Variants in EHBP1 observed in about 807,000 individuals in gnomAD.
EHBP1 encodes the protein EH domain-binding protein 1.
EHBP1 carries 55 observed loss-of-function variants against 144.0 expected under a neutral mutation model. The observed-to-expected ratio is 0.38, with a 90% CI of 0.31 to 0.48. The LOEUF is 0.48. EHBP1 is among the 20% of genes least tolerant of loss of function. EHBP1 has a pLI of 0.98. For missense variants in EHBP1, 1,200 were observed against 1,364.2 expected, an observed-to-expected ratio of 0.88 and a Z score of 1.90; for synonymous variants, 469 against 472.7, an observed-to-expected ratio of 0.99 and a Z score of 0.10.
At chr2:62,816,626 G>T (rs1388029755) in intron 5 of EHBP1, among the ~76,000 whole-genome samples, 2 of 152,204 alleles carry the variant, frequency 1.3e-5, no homozygotes, top group African/African-American at 4.8e-5. Flanking sequence ...GAAAGAGGAA[G>T]AGGAGCCTGT....
chr2:63,004,140 C>CT, intron 19 of EHBP1, among the ~76,000 whole-genome samples: 1 of 152,052 alleles, frequency 6.6e-6, no homozygotes, highest in Admixed American at 6.6e-5. Context: ...TACATAACTT[C>CT]TTTTTTTCCT....
At chr2:62,789,828 T>G (rs1392746611) in intron 5 of EHBP1, among the ~76,000 whole-genome samples, 1 of 152,214 alleles carries the variant, frequency 6.6e-6, no homozygotes, top group East Asian at 1.9e-4. Context: ...CACAGATGCC[T>G]GCAGGGTAGC....
At chr2:62,757,158 T>C (rs1310851061) in intron 3 of EHBP1, among the ~76,000 whole-genome samples, 2 of 152,056 alleles carry the variant, frequency 1.3e-5, no homozygotes, top group African/African-American at 4.8e-5. Context: ...TAAGACAGGA[T>C]CTTACTTGTT....
chr2:62,960,366 G>A lies in EHBP1; in HGVS notation c.2460+4706G>A, dbSNP rs2057940295. ...ATTCTTGTGTCAAGCATTTGCTGTT[G>A]TTGCCTTGAAATACCCATCTTCCCT... On this transcript the variant is annotated intron_variant, in intron 14 of 22. Transcript: ENST00000431489. 2.0e-5 allele frequency among the ~76,000 whole-genome samples: 3 copies of A among 151,962 alleles called. No individual in the cohort carries two copies. The South Asian group carries it at 6.2e-4, about 32-fold the overall frequency.
chr2:62,716,290 A>T (rs553685933), intron 2 of EHBP1, among the ~76,000 whole-genome samples: 1 of 152,170 alleles, frequency 6.6e-6, no homozygotes, highest in East Asian at 1.9e-4. Flanking sequence ...CCCTTTTCCT[A>T]TGCAACTCCC....
intron 1 of EHBP1, among the ~76,000 whole-genome samples, chr2:62,676,714 T>C (rs2151720215): frequency 6.6e-6 from 1 of 152,362 alleles, no homozygotes; most frequent in South Asian, 2.1e-4. Flanking sequence ...TATTCCTTTT[T>C]TTTTTTAAAG....
intron 5 of EHBP1, among the ~76,000 whole-genome samples, chr2:62,809,468 C>G (rs974114405): frequency 6.6e-6 from 1 of 152,024 alleles, no homozygotes; most frequent in African/African-American, 2.4e-5. Context: ...TGCCGTGTGA[C>G]CTTATCCCCC....
chr2:62,753,717 A>G (rs985627602), intron 3 of EHBP1, among the ~76,000 whole-genome samples: 1 of 151,778 alleles, frequency 6.6e-6, no homozygotes, highest in Non-Finnish European at 1.5e-5. Context: ...TTTTTTCTCT[A>G]AACTTCTCAC....
chr2:62,841,008 A>G (rs1277281965), intron 7 of EHBP1, among the ~76,000 whole-genome samples: 3 of 152,192 alleles, frequency 2.0e-5, no homozygotes, highest in Admixed American at 6.5e-5. Context: ...CCAAAGGACT[A>G]TAAATCATGC....
At chr2:62,709,489 C>T (rs1362991868) in intron 2 of EHBP1, among the ~76,000 whole-genome samples, 2 of 152,120 alleles carry the variant, frequency 1.3e-5, no homozygotes, top group Non-Finnish European at 2.9e-5. Flanking sequence ...TCAGTTTCTT[C>T]CTCACAGTTT....
intron 1 of EHBP1, among the ~76,000 whole-genome samples, chr2:62,677,637 A>T (rs2033350880): frequency 6.6e-6 from 1 of 151,718 alleles, no homozygotes; most frequent in Admixed American, 6.6e-5. Context: ...CCCCCCACCT[A>T]CCCCACTACC....
At chr2:62,911,011 G>A (rs1344673820) in intron 10 of EHBP1, among the ~76,000 whole-genome samples, 2 of 152,268 alleles carry the variant, frequency 1.3e-5, no homozygotes, top group Admixed American at 6.5e-5. Flanking sequence ...TCAGGTCCCG[G>A]CTTTCATACG....
rs776335560 is a variant in EHBP1 at position 62,990,697 on chromosome 2, G to T, written c.2609-19G>T. On this transcript the variant is annotated intron_variant, in intron 15 of 22. Coordinates refer to ENST00000431489, the MANE Select transcript of EHBP1 (RefSeq NM_001142616.3). Reference sequence around the variant, plus strand: ...AATGCATCTCACTCAGTTATTCATGGTATTTGCATATTTAACAGAACAAAA... The same window carrying T: ...AATGCATCTCACTCAGTTATTCATGTTATTTGCATATTTAACAGAACAAAA... 2 of 1,612,348 alleles carry T rather than the reference G, an allele frequency of 1.2e-6. No individual in the cohort carries two copies. Among genetic ancestry groups the T allele is most frequent in the African/African-American group, 1.3e-5 (1 of 74,838 alleles).
At chr2:62,787,440 A>G (rs1489661590) in intron 5 of EHBP1, among the ~76,000 whole-genome samples, 1 of 113,808 alleles carries the variant, frequency 8.8e-6, no homozygotes, top group Non-Finnish European at 1.6e-5. Flanking sequence ...TCTTTCATAG[A>G]GGCGTGGCAA....
chr2:62,745,968 G>A (rs1358421062), intron 2 of EHBP1, among the ~76,000 whole-genome samples: 1 of 152,038 alleles, frequency 6.6e-6, no homozygotes, highest in Admixed American at 6.6e-5. Context: ...CTGTAAGATA[G>A]CATTTCTATA....
intron 3 of EHBP1, among the ~76,000 whole-genome samples, chr2:62,755,677 G>A (rs149140244): frequency 1.1e-4 from 16 of 152,154 alleles, no homozygotes; most frequent in African/African-American, 3.6e-4. Flanking sequence ...TAATTTGAAT[G>A]CCTTCTTACC....
intron 2 of EHBP1, among the ~76,000 whole-genome samples, chr2:62,741,361 A>G (rs984942591): frequency 1.4e-4 from 21 of 152,134 alleles, no homozygotes; most frequent in African/African-American, 4.3e-4. Flanking sequence ...TAAATCTGAT[A>G]GTCAGTTTAC....
chr2:62,718,570 G>T lies in EHBP1; in HGVS notation c.104+11275G>T, dbSNP rs115762258. 3.3e-3 allele frequency among the ~76,000 whole-genome samples: 505 copies of T among 152,284 alleles called. 4 individuals are homozygous for T. The highest frequency in any genetic ancestry group is 0.011 in the African/African-American group (470 of 41,548). ...TGGAGATTTCCATATCCCCTAGGAG[G>T]TCCTGATTCTGTAGGTCTGTGATAG... On this transcript the variant is annotated intron_variant, in intron 2 of 22. Coordinates refer to ENST00000431489, the MANE Select transcript of EHBP1 (RefSeq NM_001142616.3).
At chr2:62,712,062 T>A (rs969202038) in intron 2 of EHBP1, among the ~76,000 whole-genome samples, 6 of 152,218 alleles carry the variant, frequency 3.9e-5, no homozygotes, top group African/African-American at 1.4e-4. Flanking sequence ...GTGTAAATGC[T>A]GGTGGAAATG....
Sources: allele counts gnomAD v4.1 joint callset (sites outside exome capture counted in the v4.1 genomes callset), GRCh38; gene constraint gnomAD v4.1.1; transcripts MANE v1.5; gene names NCBI Gene and HGNC (gene_info 2026-07-23, HGNC 2026-07-21).